The following POLK variants were observed in gnomAD, a reference collection of about 807,000 sequenced individuals.
POLK encodes the protein polymerase (DNA directed) kappa.
POLK carries 76 observed loss-of-function variants against 94.0 expected under a neutral mutation model. The ratio of observed to expected loss-of-function variants is 0.81; its 90% CI spans 0.67 to 0.98. The LOEUF (loss-of-function observed/expected upper bound fraction) is 0.98. POLK is among the 50% of genes least tolerant of loss of function. The pLI is 0.00. For missense variants in POLK, 954 were observed against 1,010.1 expected (o/e 0.94, Z 0.75); for synonymous variants, 349 against 325.4 (o/e 1.07, Z -0.78).
chr5:75,529,277 G>A (rs1769027048), intron 1 of POLK, among the ~76,000 whole-genome samples: 1 of 151,976 alleles, frequency 6.6e-6, no homozygotes, highest in Non-Finnish European at 1.5e-5. Context: ...AGAGAGGGGG[G>A]AGGTGCCACA....
intron 1 of POLK, among the ~76,000 whole-genome samples, chr5:75,545,803 A>T (rs766889196): frequency 6.6e-6 from 1 of 152,156 alleles, no homozygotes; most frequent in African/African-American, 2.4e-5. Flanking sequence ...TAGAAACGTA[A>T]GTTTTCTACT....
chr5:75,608,151 T>C, the POLK span, among the ~76,000 whole-genome samples: 1 of 152,114 alleles, frequency 6.6e-6, no homozygotes, highest in Non-Finnish European at 1.5e-5. Flanking sequence ...TTATTGCAGG[T>C]CGGGTACTGT....
At position 75,526,658 on chromosome 5, in the gene POLK, T is replaced by G. The variant is rs1045427781; in HGVS notation, c.-14+14744T>G. Among the ~76,000 whole-genome samples, 13 of 149,744 alleles carry G rather than the reference T, an allele frequency of 8.7e-5. No individual in the cohort carries two copies. The East Asian group carries it at 1.6e-3, about 19-fold the overall frequency. On this transcript the variant is annotated intron_variant, in intron 1 of 14. Transcript: ENST00000241436. ...GTGCAGTGGCTCAATCTTGGCTCAC[T>G]GCAACCTCCACCTACCAGGTTCAAT... is the stretch of plus-strand genomic sequence containing the variant.
chr5:75,541,191 T>C (rs2112610321), intron 1 of POLK, among the ~76,000 whole-genome samples: 1 of 152,164 alleles, frequency 6.6e-6, no homozygotes, highest in East Asian at 1.9e-4. Flanking sequence ...CTCGGGAGGC[T>C]GAGGCAGGAG....
At chr5:75,604,259 T>C (rs1208786630), downstream of POLK, among the ~76,000 whole-genome samples, 1 of 152,108 alleles carries the variant, frequency 6.6e-6, no homozygotes, top group Non-Finnish European at 1.5e-5. Context: ...ACTGTGTCGT[T>C]TTGGAGTGGC....
intron 8 of POLK, 93 bp downstream of exon 8, chr5:75,583,510 G>T: frequency 1.4e-6 from 1 of 700,418 alleles, no homozygotes; most frequent in Non-Finnish European, 2.2e-6. Flanking sequence ...TTGCTTAAAA[G>T]TTTTAAAATA....
At chr5:75,590,366 G>T (rs1415289826) in exon 11 of POLK, 1 of 1,596,740 alleles carries the variant, frequency 6.3e-7, no homozygotes, top group South Asian at 1.1e-5. Flanking sequence ...GATAAATAAA[G>T]CGGAAGAGCA....
intron 3 of POLK, 145 bp from the exon 4 acceptor site, chr5:75,569,195 G>A (rs1368792085): frequency 1.2e-5 from 7 of 594,290 alleles, no homozygotes; most frequent in Admixed American, 6.4e-5. Flanking sequence ...GTGGATGGGT[G>A]GATGGATGAA....
Position 75,596,073 on chromosome 5 carries a change from T to C in POLK, c.1529-149T>C, listed in dbSNP as rs539490728. The C allele has an allele frequency of 1.5e-5, 9 of 584,806 alleles. No homozygotes were observed. In the East Asian group the frequency reaches 2.5e-4, roughly 16 times the overall value. 36.2% of individuals were successfully genotyped at this position (584,806 alleles called of 1,614,324 possible). On this transcript the variant is annotated intron_variant, in intron 12 of 14. Coordinates refer to ENST00000241436, the Ensembl canonical transcript of POLK. ...TCTTTTATAAAGGAAGGTAAATCTG[T>C]ACTTATAATACCAGCTTTGAAATGT...
chr5:75,573,818 A>C, exon 5 of POLK: 1 of 1,613,514 alleles, frequency 6.2e-7, no homozygotes, highest in Non-Finnish European at 8.5e-7. Context: ...TGTGCCCACA[A>C]CTTATAATAG....
intron 1 of POLK, among the ~76,000 whole-genome samples, chr5:75,516,645 A>G (rs973146068): frequency 1.3e-5 from 2 of 152,044 alleles, no homozygotes; most frequent in Non-Finnish European, 2.9e-5. Flanking sequence ...AAGCCAGGTA[A>G]CAGAGTGAGA....
At chr5:75,592,054 C>T (rs1396329413) in intron 11 of POLK, among the ~76,000 whole-genome samples, 1 of 152,176 alleles carries the variant, frequency 6.6e-6, no homozygotes, top group African/African-American at 2.4e-5. Context: ...CTTCCTCCTC[C>T]AGGGGATACT....
At chr5:75,519,514 T>G (rs1768471825) in intron 1 of POLK, among the ~76,000 whole-genome samples, 1 of 152,220 alleles carries the variant, frequency 6.6e-6, no homozygotes, top group Non-Finnish European at 1.5e-5. Flanking sequence ...GCACTCTATC[T>G]CTCCCTTTAT....
intron 2 of POLK, 55 bp from the exon 3 acceptor site, chr5:75,552,417 A>G: frequency 6.4e-7 from 1 of 1,569,000 alleles, no homozygotes. Context: ...GTTATACTAC[A>G]GTGATGCTTT....
intron 3 of POLK, among the ~76,000 whole-genome samples, chr5:75,555,741 G>T (rs1370931579): frequency 2.0e-4 from 31 of 151,982 alleles, no homozygotes; most frequent in Non-Finnish European, 1.5e-5. Context: ...TAGAGACGGG[G>T]TTTCACCATG....
chr5:75,545,375 G>A (rs1769958185), intron 1 of POLK, among the ~76,000 whole-genome samples: 2 of 152,092 alleles, frequency 1.3e-5, no homozygotes, highest in South Asian at 4.1e-4. Context: ...CCCCAAATTG[G>A]AGGCAACCGT....
At chr5:75,527,073 A>G (rs1390681542) in intron 1 of POLK, among the ~76,000 whole-genome samples, 1 of 152,240 alleles carries the variant, frequency 6.6e-6, no homozygotes, top group African/African-American at 2.4e-5. Flanking sequence ...TATGAATGGT[A>G]GTGAAAGATA....
Position 75,511,796 on chromosome 5 carries a change from G to A in POLK, c.-132G>A, listed in dbSNP as rs1466320976. 2.6e-6 allele frequency: 4 copies of A among 1,551,270 alleles called. No individual in the cohort carries two copies. The East Asian group carries it at 7.4e-5, about 29-fold the overall frequency. ...CGGGTGACGACGGGTAGAAAAGCAG[G>A]AGGAGCGGAGAAAGGAGAGGGCGGG... is the stretch of plus-strand genomic sequence containing the variant. On this transcript the variant is annotated 5_prime_UTR_variant, in exon 1 of 15. Transcript: ENST00000241436.
intron 1 of POLK, among the ~76,000 whole-genome samples, chr5:75,534,257 C>A (rs1458848942): frequency 2.7e-5 from 4 of 148,694 alleles, no homozygotes; most frequent in African/African-American, 9.9e-5. Context: ...CAGAGCGAGA[C>A]CCTGTCTTAA....
Sources: gnomAD v4.1 joint callset for allele counts (sites outside exome capture counted in the v4.1 genomes callset) on GRCh38, gnomAD v4.1.1 for gene constraint, MANE v1.5 for transcripts, NCBI Gene and HGNC (gene_info 2026-07-23, HGNC 2026-07-21) for gene names.